FOXP1: variants seen among roughly 807,000 people sequenced by gnomAD.
The protein encoded by FOXP1 is forkhead box protein P1.
A neutral mutation model predicts 98.2 loss-of-function variants in FOXP1; 15 were observed. The observed-to-expected ratio is 0.15, with a 90% confidence interval of 0.10 to 0.24. The LOEUF is 0.24. Among genes scored for constraint, FOXP1 ranks in the 10% least tolerant of loss-of-function variants. The pLI is 1.00. For missense variants in FOXP1, 633 were observed against 848.5 expected, an observed-to-expected ratio of 0.75 and a Z score of 3.15; for synonymous variants, 371 against 314.5, an observed-to-expected ratio of 1.18 and a Z score of -1.90.
At chr3:71,434,275 C>A (rs1463145403) in intron 3 of FOXP1, among the ~76,000 whole-genome samples, 2 of 151,586 alleles carry the variant, frequency 1.3e-5, no homozygotes, top group East Asian at 3.9e-4. Flanking sequence ...ATCCTAGAGC[C>A]CCCCCGAAGA....
In FOXP1 at chr3:70,990,894, G is replaced by T. The variant is rs546814510; in HGVS notation, c.1063-2817C>A. Among the ~76,000 whole-genome samples the T allele has an allele frequency of 3.3e-5, 5 of 152,212 alleles. No individual in the cohort carries two copies. The South Asian group carries it at 1.0e-3, about 32-fold the overall frequency. On this transcript the variant is annotated intron_variant, in intron 13 of 20. Transcript: ENST00000649528. ...GTTCAAATCCTGGCTCAGTGACTCAGCACATTATGTAACCTTTTTAATTAC... is the reference window on the plus strand; with the variant it reads ...GTTCAAATCCTGGCTCAGTGACTCATCACATTATGTAACCTTTTTAATTAC...
chr3:71,163,736 A>G (rs1262569631), intron 6 of FOXP1, among the ~76,000 whole-genome samples: 1 of 152,230 alleles, frequency 6.6e-6, no homozygotes, highest in East Asian at 1.9e-4. Context: ...CAAGTTAAAT[A>G]TTACATGTGA....
intron 7 of FOXP1, among the ~76,000 whole-genome samples, chr3:71,105,031 T>C (rs1029126606): frequency 1.3e-5 from 2 of 152,230 alleles, no homozygotes; most frequent in African/African-American, 2.4e-5. Context: ...CTGTTGCTTT[T>C]ACAAGTTCAA....
chr3:71,465,944 T>C (rs756413836), intron 3 of FOXP1, among the ~76,000 whole-genome samples: 7 of 152,188 alleles, frequency 4.6e-5, no homozygotes, highest in Non-Finnish European at 8.8e-5. Flanking sequence ...TAATGCCTGA[T>C]GATCTGAGGT....
intron 12 of FOXP1, among the ~76,000 whole-genome samples, chr3:71,013,314 T>C (rs1053873041): frequency 2.0e-5 from 3 of 152,182 alleles, no homozygotes; most frequent in Non-Finnish European, 4.4e-5. Context: ...ATAAAGTCAA[T>C]TGTATAACAA....
At chr3:71,131,815 A>G (rs1188393949) in intron 6 of FOXP1, among the ~76,000 whole-genome samples, 1 of 152,240 alleles carries the variant, frequency 6.6e-6, no homozygotes, top group Non-Finnish European at 1.5e-5. Context: ...ATCAAGAGAC[A>G]TATTAGGTGG....
chr3:71,296,706 CTCT>C (rs2073335372), intron 5 of FOXP1, among the ~76,000 whole-genome samples: 2 of 152,066 alleles, frequency 1.3e-5, no homozygotes, highest in Admixed American at 1.3e-4. Flanking sequence ...CCAAATCTCC[CTCT>C]TGAAATCTGG....
chr3:71,397,633 G>A (rs1436326886), intron 3 of FOXP1, among the ~76,000 whole-genome samples: 1 of 152,222 alleles, frequency 6.6e-6, no homozygotes, highest in Non-Finnish European at 1.5e-5. Flanking sequence ...GAGCTATCAA[G>A]TCTGCAGTAC....
At chr3:71,036,675 G>C (rs963693193) in intron 11 of FOXP1, among the ~76,000 whole-genome samples, 1 of 152,186 alleles carries the variant, frequency 6.6e-6, no homozygotes. Context: ...ATCTGCCTGT[G>C]TGTAAATCCC....
chr3:71,264,047 A>T (rs565503999), intron 5 of FOXP1, among the ~76,000 whole-genome samples: 1 of 152,202 alleles, frequency 6.6e-6, no homozygotes, highest in East Asian at 1.9e-4. Context: ...CATTGCACCC[A>T]GCCAGGAAAC....
intron 6 of FOXP1, among the ~76,000 whole-genome samples, chr3:71,179,770 G>A (rs2062176099): frequency 6.6e-6 from 1 of 152,222 alleles, no homozygotes; most frequent in African/African-American, 2.4e-5. Flanking sequence ...GTTAACAGTT[G>A]TTACCTCCAT....
chr3:71,104,971 G>A (rs1445029023), intron 7 of FOXP1, among the ~76,000 whole-genome samples: 1 of 152,130 alleles, frequency 6.6e-6, no homozygotes, highest in Non-Finnish European at 1.5e-5. Context: ...TCATATATGT[G>A]AGGCCCCCAG....
intron 11 of FOXP1, 113 bp downstream of exon 11, chr3:71,041,213 GCA>G (rs1471354126): frequency 2.4e-6 from 2 of 818,460 alleles, no homozygotes; most frequent in Non-Finnish European, 4.3e-6. Flanking sequence ...GTAATTATAT[GCA>G]CATTCAAGTC....
chr3:71,535,820 G>T (rs554291155), intron 2 of FOXP1, among the ~76,000 whole-genome samples: 1 of 152,076 alleles, frequency 6.6e-6, no homozygotes. Context: ...GAGATATGGC[G>T]GCATCCCAGA....
chr3:71,339,824 C>G (rs1430540277), intron 4 of FOXP1, among the ~76,000 whole-genome samples: 1 of 152,166 alleles, frequency 6.6e-6, no homozygotes, highest in Non-Finnish European at 1.5e-5. Context: ...GATACAGAAT[C>G]ACATGGCTTC....
intron 4 of FOXP1, among the ~76,000 whole-genome samples, chr3:71,303,576 A>G (rs1218545359): frequency 6.6e-6 from 1 of 152,174 alleles, no homozygotes; most frequent in Non-Finnish European, 1.5e-5. Flanking sequence ...TTTTTCAATG[A>G]CTTCTTAGAA....
At chr3:71,503,675 GAT>G (rs1038368381) in intron 2 of FOXP1, among the ~76,000 whole-genome samples, 4 of 151,284 alleles carry the variant, frequency 2.6e-5, no homozygotes, top group African/African-American at 9.7e-5. Flanking sequence ...TCAGTGACTC[GAT>G]GTTATTATTT....
intron 5 of FOXP1, among the ~76,000 whole-genome samples, chr3:71,228,247 T>A (rs926357305): frequency 3.9e-5 from 6 of 151,994 alleles, no homozygotes; most frequent in African/African-American, 1.4e-4. Flanking sequence ...GGTACCTAAG[T>A]GGAGAACTTA....
At chr3:71,545,139 T>C (rs1353464415) in intron 2 of FOXP1, among the ~76,000 whole-genome samples, 2 of 152,052 alleles carry the variant, frequency 1.3e-5, no homozygotes, top group East Asian at 1.9e-4. Flanking sequence ...CACATGTACA[T>C]GCGCGCATAT....
Sources: gnomAD v4.1 joint callset for allele counts (sites outside exome capture counted in the v4.1 genomes callset) on GRCh38, gnomAD v4.1.1 for gene constraint, MANE v1.5 for transcripts, NCBI Gene and HGNC (gene_info 2026-07-23, HGNC 2026-07-21) for gene names.